Variants in GRAMD1B observed in about 807,000 individuals in gnomAD.
The protein encoded by GRAMD1B is GRAM domain containing 1B.
GRAMD1B carries 37 observed loss-of-function variants against 99.7 expected under a neutral mutation model. The ratio of observed to expected loss-of-function variants is 0.37; its 90% CI spans 0.29 to 0.49. GRAMD1B has a LOEUF of 0.49. GRAMD1B is among the 20% of genes least tolerant of loss of function. The pLI, the probability that GRAMD1B is intolerant of heterozygous loss-of-function variation, is 0.98. For missense variants in GRAMD1B, 888 were observed against 1,009.2 expected, an observed-to-expected ratio of 0.88 and a Z score of 1.63; for synonymous variants, 427 against 387.6, an observed-to-expected ratio of 1.10 and a Z score of -1.19.
chr11:123,454,135 C>T (rs1950009004), intron 1 of GRAMD1B, among the ~76,000 whole-genome samples: 1 of 152,328 alleles, frequency 6.6e-6, no homozygotes, highest in Admixed American at 6.5e-5. Flanking sequence ...CCGCAGGCAG[C>T]TTTGCATCAT....
intron 1 of GRAMD1B, among the ~76,000 whole-genome samples, chr11:123,395,941 A>G (rs147544080): frequency 6.6e-6 from 1 of 152,332 alleles, no homozygotes; most frequent in East Asian, 1.9e-4. Flanking sequence ...GGTATCAGAG[A>G]TAAAAGGCAA....
In GRAMD1B at chr11:123,439,133, G is replaced by A. The variant is rs929529982; in HGVS notation, c.374+7967G>A. 5.3e-5 allele frequency among the ~76,000 whole-genome samples: 8 copies of A among 152,206 alleles called. No individual in the cohort carries two copies. In the South Asian group the frequency reaches 1.2e-3, roughly 24 times the overall value. ...ATAGCTTCTTATTGTCTTGGGGGGT[G>A]GGAATCTATGAGCTCTTCTCCTGTG... On this transcript the variant is annotated intron_variant, in intron 1 of 19. Coordinates refer to ENST00000635736, the MANE Select transcript of GRAMD1B (RefSeq NM_001387025.1).
chr11:123,473,344 G>T (rs188369037), intron 1 of GRAMD1B, among the ~76,000 whole-genome samples: 1 of 152,264 alleles, frequency 6.6e-6, no homozygotes, highest in East Asian at 1.9e-4. Flanking sequence ...GATTACAGGC[G>T]TGAGCCACCG....
intron 19 of GRAMD1B, chr11:123,619,439 T>G: frequency 7.4e-7 from 1 of 1,352,736 alleles, no homozygotes; most frequent in Non-Finnish European, 9.6e-7. Flanking sequence ...AACAATAAAA[T>G]GACCCACTGA....
At position 123,599,129 on chromosome 11, in the gene GRAMD1B, C is replaced by T. The variant is rs1951643318; in HGVS notation, c.970-1339C>T. On this transcript the variant is annotated intron_variant, in intron 7 of 19. Coordinates refer to ENST00000635736, the MANE Select transcript of GRAMD1B (RefSeq NM_001387025.1). Reference sequence around the variant, plus strand: ...GAGCCTTCAGGAGCTCCTCAAATTCCACTGACATTGCCACATAGATCTCAT... The same window carrying T: ...GAGCCTTCAGGAGCTCCTCAAATTCTACTGACATTGCCACATAGATCTCAT... The T allele has an allele frequency of 3.6e-6, 3 of 823,888 alleles. No individual in the cohort carries two copies. In the African/African-American group the frequency reaches 5.0e-5, roughly 14 times the overall value. The allele number at this position is 823,888 out of a possible 1,614,324, so 51.0% of individuals were successfully genotyped here. A position where few individuals can be genotyped will look rare whatever the true frequency, so the allele number is the denominator to read the frequency against.
chr11:123,426,744 G>C (rs1462995936), upstream of GRAMD1B, among the ~76,000 whole-genome samples: 2 of 152,172 alleles, frequency 1.3e-5, no homozygotes, highest in Non-Finnish European at 2.9e-5. Flanking sequence ...GTGCAATAAG[G>C]TGTCCGGGGT....
At chr11:123,566,815 G>T (rs1415103374) in intron 2 of GRAMD1B, among the ~76,000 whole-genome samples, 2 of 152,048 alleles carry the variant, frequency 1.3e-5, no homozygotes, top group African/African-American at 4.8e-5. Flanking sequence ...AAAATTCATG[G>T]ACTATATATC....
At position 123,430,771 on chromosome 11, in the gene GRAMD1B, G is replaced by C. The variant is rs1403896099; in HGVS notation, c.-22G>C. On this transcript the variant is annotated 5_prime_UTR_variant, in exon 1 of 20. Coordinates refer to ENST00000635736, the MANE Select transcript of GRAMD1B (RefSeq NM_001387025.1). ...AGGCCGCTGGCGGAGGGCTCAGGGG[G>C]AGCGCAGAGGCGACGGCCCCCATGC... The C allele has an allele frequency of 4.6e-6, 3 of 655,104 alleles. No individual in the cohort carries two copies. The highest frequency in any genetic ancestry group is 8.2e-6 in the Non-Finnish European group (3 of 364,602). The allele number at this position is 655,104 out of a possible 1,614,324, so 40.6% of individuals were successfully genotyped here. A position where few individuals can be genotyped will look rare whatever the true frequency, so the allele number is the denominator to read the frequency against.
chr11:123,431,918 G>A (rs1948912641), intron 1 of GRAMD1B: 1 of 394,406 alleles, frequency 2.5e-6, no homozygotes, highest in Non-Finnish European at 4.5e-6. Context: ...GCTGCTTCAG[G>A]AAGTTGTGTC....
intron 1 of GRAMD1B, among the ~76,000 whole-genome samples, chr11:123,404,618 G>C (rs2135937820): frequency 6.6e-6 from 1 of 152,310 alleles, no homozygotes; most frequent in Non-Finnish European, 1.5e-5. Flanking sequence ...GTACTCTTCT[G>C]CCTCCCAACT....
chr11:123,485,101 A>C (rs1951816730), intron 2 of GRAMD1B, among the ~76,000 whole-genome samples: 1 of 152,182 alleles, frequency 6.6e-6, no homozygotes, highest in Non-Finnish European at 1.5e-5. Context: ...GGAGCTGGGT[A>C]GTATTGTCAC....
chr11:123,544,230 C>T (rs1367288760), intron 2 of GRAMD1B, among the ~76,000 whole-genome samples: 1 of 152,158 alleles, frequency 6.6e-6, no homozygotes, highest in African/African-American at 2.4e-5. Flanking sequence ...GTATTTGTTT[C>T]TGATATTTAT....
chr11:123,403,473 A>ATAATAC (rs1237375362), intron 1 of GRAMD1B, among the ~76,000 whole-genome samples: 41 of 148,192 alleles, frequency 2.8e-4, no homozygotes, highest in African/African-American at 9.8e-4. Context: ...AATAATAATA[A>ATAATAC]TAATAATAAT....
At chr11:123,472,415 T>A (rs1951059975) in intron 1 of GRAMD1B, among the ~76,000 whole-genome samples, 1 of 152,164 alleles carries the variant, frequency 6.6e-6, no homozygotes, top group African/African-American at 2.4e-5. Flanking sequence ...TCTCTTTGGC[T>A]CAAGCGTTCC....
intron 2 of GRAMD1B, among the ~76,000 whole-genome samples, chr11:123,549,371 T>C (rs887889141): frequency 1.3e-5 from 2 of 151,980 alleles, no homozygotes; most frequent in African/African-American, 4.8e-5. Context: ...GGTGAAACCA[T>C]CTCTACTAAA....
intron 1 of GRAMD1B, among the ~76,000 whole-genome samples, chr11:123,375,471 A>G (rs1283792668): frequency 6.6e-6 from 1 of 152,200 alleles, no homozygotes; most frequent in Non-Finnish European, 1.5e-5. Flanking sequence ...CCTCTTTGTA[A>G]GATGCTATAT....
chr11:123,414,072 T>G (rs1275154672), intron 1 of GRAMD1B, among the ~76,000 whole-genome samples: 2 of 148,952 alleles, frequency 1.3e-5, no homozygotes, highest in Non-Finnish European at 3.0e-5. Context: ...TGAGACAGAG[T>G]CTTGCTCTGT....
At chr11:123,450,420 C>T (rs1212215966) in intron 1 of GRAMD1B, among the ~76,000 whole-genome samples, 1 of 152,170 alleles carries the variant, frequency 6.6e-6, no homozygotes, top group Non-Finnish European at 1.5e-5. Context: ...ACACTACATG[C>T]CAGATACCGT....
At chr11:123,433,955 C>T (rs1047801377) in intron 1 of GRAMD1B, among the ~76,000 whole-genome samples, 6 of 151,966 alleles carry the variant, frequency 3.9e-5, no homozygotes, top group Admixed American at 1.3e-4. Flanking sequence ...ATCAGCCGGG[C>T]GCAGTGGCTC....
Sources: allele counts gnomAD v4.1 joint callset (sites outside exome capture counted in the v4.1 genomes callset), GRCh38; gene constraint gnomAD v4.1.1; transcripts MANE v1.5; gene names NCBI Gene and HGNC (gene_info 2026-07-23, HGNC 2026-07-21).